MSN: variants seen among roughly 807,000 people sequenced by gnomAD.
MSN encodes epididymis luminal protein 70.
A neutral mutation model predicts 48.0 loss-of-function variants in MSN; 2 were observed. The ratio of observed to expected loss-of-function variants is 0.04; its 90% CI spans 0.02 to 0.13. MSN has a LOEUF of 0.13. Ranked by LOEUF, MSN falls within the 10% of genes least tolerant of loss-of-function variation. MSN has a pLI of 1.00. For missense variants in MSN, 267 were observed against 470.1 expected, an observed-to-expected ratio of 0.57 and a Z score of 3.99; for synonymous variants, 146 against 166.9, an observed-to-expected ratio of 0.87 and a Z score of 0.97.
intron 1 of MSN, among the ~76,000 whole-genome samples, chrX:65,699,192 A>G (rs2071275809): frequency 8.9e-6 from 1 of 111,974 alleles, no homozygotes; most frequent in African/African-American, 3.3e-5. Context: ...AAAACCACTG[A>G]GCAAAACCCA....
At chrX:65,734,207 G>A (rs1295314307) in intron 7 of MSN, among the ~76,000 whole-genome samples, 1 of 111,803 alleles carries the variant, frequency 8.9e-6, no homozygotes, top group East Asian at 2.8e-4. Context: ...AAACTGAGCT[G>A]AGTGTCCCCT....
At chrX:65,731,072 T>C (rs1303463864) in intron 4 of MSN, 35 bp from the exon 5 acceptor site, 1 of 1,127,521 alleles carries the variant, frequency 8.9e-7, no homozygotes, top group African/African-American at 1.8e-5. Flanking sequence ...AGGGACTTTG[T>C]GCTTTAAACT....
At chrX:65,667,538 C>A, upstream of MSN, 1 of 698,504 alleles carries the variant, frequency 1.4e-6, no homozygotes. Flanking sequence ...CTGCGCCGGG[C>A]CTGGCCAGGC....
chrX:65,697,732 T>TA (rs2071259619), intron 1 of MSN, among the ~76,000 whole-genome samples: 1 of 112,697 alleles, frequency 8.9e-6, no homozygotes, highest in African/African-American at 3.2e-5. Context: ...CCTGGTTTGT[T>TA]AATCAAGGAA....
chrX:65,656,418 C>A (rs1010109565), intron 1 of MSN, among the ~76,000 whole-genome samples: 1 of 110,170 alleles, frequency 9.1e-6, no homozygotes, highest in Non-Finnish European at 1.9e-5. Context: ...GGAATGTGTG[C>A]CCTTAGAGAA....
At position 65,731,828 on chromosome X, in the gene MSN, T is replaced by C. The variant is rs1326611596; in HGVS notation, c.552-10T>C. 1 of 1,205,002 alleles carries C rather than the reference T, an allele frequency of 8.3e-7. No individual in the cohort carries two copies. Among genetic ancestry groups the C allele is most frequent in the Non-Finnish European group, 1.1e-6 (1 of 892,291 alleles). On this transcript the variant is annotated splice_polypyrimidine_tract_variant and intron_variant, in intron 5 of 12. Coordinates refer to ENST00000360270, the MANE Select transcript of MSN (RefSeq NM_002444.3). ...CCCCACTTTGTGACCCCCAACTCTG[T>C]GTCATTTAGGGAGGATGCTGTCCTG...
chrX:65,703,170 C>G (rs2071325860), intron 1 of MSN, among the ~76,000 whole-genome samples: 1 of 111,186 alleles, frequency 9.0e-6, no homozygotes, highest in East Asian at 2.8e-4. Context: ...CATAATATGG[C>G]TAAAAGGGGA....
chrX:65,684,966 T>G (rs2071098798), intron 1 of MSN, among the ~76,000 whole-genome samples: 1 of 112,275 alleles, frequency 8.9e-6, no homozygotes, highest in South Asian at 3.7e-4. Context: ...CTTGAGCTCC[T>G]GGGCTCAAGC....
chrX:65,620,322 C>T (rs2070426229), intron 1 of MSN, among the ~76,000 whole-genome samples: 1 of 112,814 alleles, frequency 8.9e-6, no homozygotes, highest in African/African-American at 3.2e-5. Flanking sequence ...TGCCGCCCCG[C>T]AGCTCCATCT....
chrX:65,671,581 G>C (rs1017586107), intron 1 of MSN, among the ~76,000 whole-genome samples: 2 of 111,690 alleles, frequency 1.8e-5, no homozygotes, highest in African/African-American at 3.3e-5. Context: ...GACTTAAGTG[G>C]GGGGAAAAGG....
At chrX:65,620,717 C>T in intron 1 of MSN, among the ~76,000 whole-genome samples, 2 of 111,754 alleles carry the variant, frequency 1.8e-5, no homozygotes, top group Middle Eastern at 9.1e-3. Flanking sequence ...TCCTATTCGG[C>T]CATCTTGGCT....
At position 65,741,080 on chromosome X, in the gene MSN, C is replaced by T. The variant is rs1190831817; in HGVS notation, c.*1187C>T. The T allele has an allele frequency of 1.8e-5, 3 of 167,314 alleles. No individual in the cohort carries two copies. In the East Asian group the frequency reaches 2.6e-4, roughly 14 times the overall value. The allele number at this position is 167,314 out of a possible 1,213,427, so 13.8% of individuals were successfully genotyped here. Reference sequence around the variant, plus strand: ...ACCAAAATCCCCTTCTCATCACTCCCCTCCAAAGAGGTGACTGGGCCCTGC... The same window carrying T: ...ACCAAAATCCCCTTCTCATCACTCCTCTCCAAAGAGGTGACTGGGCCCTGC... On this transcript the variant is annotated 3_prime_UTR_variant, in exon 13 of 13. Coordinates refer to ENST00000360270, the MANE Select transcript of MSN (RefSeq NM_002444.3).
At chrX:65,612,419 G>C (rs1186471653) in intron 1 of MSN, among the ~76,000 whole-genome samples, 3 of 111,325 alleles carry the variant, frequency 2.7e-5, no homozygotes, top group African/African-American at 6.5e-5. Context: ...GCACAAAATG[G>C]ACTCAGGTTA....
chrX:65,611,160 TCTTTCTA>T (rs200450943), intron 1 of MSN, among the ~76,000 whole-genome samples: 9,923 of 101,588 alleles, frequency 0.098, 1,619 homozygotes, highest in African/African-American at 0.39. Flanking sequence ...TTTCTTTCTT[TCTTTCTA>T]TTTTTTTTTT....
At chrX:65,698,143 A>G (rs897410925) in intron 1 of MSN, among the ~76,000 whole-genome samples, 4 of 111,375 alleles carry the variant, frequency 3.6e-5, no homozygotes, top group Non-Finnish European at 7.6e-5. Flanking sequence ...TGGTAAGGCC[A>G]TGAGGATTAG....
At chrX:65,609,500 C>T (rs1294718996) in intron 1 of MSN, among the ~76,000 whole-genome samples, 1 of 111,313 alleles carries the variant, frequency 9.0e-6, no homozygotes, top group African/African-American at 3.3e-5. Flanking sequence ...AACCTAGTCT[C>T]TAGGGCTTGA....
intron 1 of MSN, among the ~76,000 whole-genome samples, chrX:65,615,501 C>T (rs1472849603): frequency 1.6e-4 from 17 of 109,598 alleles, no homozygotes; most frequent in Non-Finnish European, 1.1e-4. Context: ...CATAAATGTC[C>T]TCTTTTGAGA....
At chrX:65,668,689 A>T (rs1195597698) in intron 1 of MSN, among the ~76,000 whole-genome samples, 2 of 111,229 alleles carry the variant, frequency 1.8e-5, no homozygotes, top group African/African-American at 6.5e-5. Context: ...GCCTCCTGGG[A>T]GTGGGGATAG....
chrX:65,638,364 A>ATTTCTGC (rs1207667324), intron 1 of MSN, among the ~76,000 whole-genome samples: 3 of 111,338 alleles, frequency 2.7e-5, no homozygotes, highest in Non-Finnish European at 5.7e-5. Flanking sequence ...CTCCCATAGC[A>ATTTCTGC]TTTCTGCTTT....
Sources: gnomAD v4.1 joint callset for allele counts (sites outside exome capture counted in the v4.1 genomes callset) on GRCh38, gnomAD v4.1.1 for gene constraint, MANE v1.5 for transcripts, NCBI Gene and HGNC (gene_info 2026-07-23, HGNC 2026-07-21) for gene names.